Variants in STAU2 observed in about 807,000 individuals in gnomAD.
The protein encoded by STAU2 is double-stranded RNA-binding protein Staufen homolog 2.
A neutral mutation model predicts 65.9 loss-of-function variants in STAU2; 20 were observed. The observed-to-expected ratio is 0.30, with a 90% CI of 0.21 to 0.44. STAU2 has a LOEUF of 0.44. STAU2 is among the 20% of genes least tolerant of loss of function. The pLI, the probability that STAU2 is intolerant of heterozygous loss-of-function variation, is 1.00. For synonymous variants in STAU2, 232 were observed against 233.9 expected, an observed-to-expected ratio of 0.99 and a Z score of 0.07; for missense variants, 558 against 683.9, an observed-to-expected ratio of 0.82 and a Z score of 2.05.
chr8:73,560,235 C>A (rs1186198263), intron 12 of STAU2, among the ~76,000 whole-genome samples: 1 of 152,050 alleles, frequency 6.6e-6, no homozygotes, highest in East Asian at 1.9e-4. Flanking sequence ...CTCCCACCAC[C>A]ATGCCTGGCT....
chr8:73,577,247 T>C (rs1809632795), intron 12 of STAU2, among the ~76,000 whole-genome samples: 1 of 151,928 alleles, frequency 6.6e-6, no homozygotes, highest in Admixed American at 6.6e-5. Context: ...GCTAACACAA[T>C]GAAACCCCGT....
intron 13 of STAU2, among the ~76,000 whole-genome samples, chr8:73,475,278 T>C (rs1437318503): frequency 6.6e-6 from 1 of 152,096 alleles, no homozygotes; most frequent in Non-Finnish European, 1.5e-5. Flanking sequence ...GAGAAGTTTT[T>C]CAAAAAAAAT....
chr8:73,423,486 A>G (rs892835711), intron 13 of STAU2, among the ~76,000 whole-genome samples: 6 of 152,110 alleles, frequency 3.9e-5, no homozygotes, highest in Non-Finnish European at 5.9e-5. Flanking sequence ...CCCAAGCCCG[A>G]CACTGCTGAG....
At chr8:73,651,715 C>A in intron 6 of STAU2, 1 of 453,974 alleles carries the variant, frequency 2.2e-6, no homozygotes, top group East Asian at 4.8e-5. Flanking sequence ...CAGGAAGTGG[C>A]ATGCATACGC....
chr8:73,570,369 C>A (rs993878392), intron 12 of STAU2, among the ~76,000 whole-genome samples: 12 of 152,092 alleles, frequency 7.9e-5, no homozygotes, highest in African/African-American at 2.7e-4. Flanking sequence ...GGGAATGGAA[C>A]CAAGTTGGAA....
chr8:73,478,160 A>G (rs537084268), intron 13 of STAU2, among the ~76,000 whole-genome samples: 2 of 151,818 alleles, frequency 1.3e-5, no homozygotes, highest in East Asian at 3.9e-4. Context: ...ACACTTACAG[A>G]TAAGGGCTAT....
At chr8:73,573,601 C>T (rs1465038987) in intron 12 of STAU2, among the ~76,000 whole-genome samples, 1 of 152,066 alleles carries the variant, frequency 6.6e-6, no homozygotes, top group African/African-American at 2.4e-5. Flanking sequence ...TAATACCACA[C>T]ATTTATAACC....
intron 13 of STAU2, among the ~76,000 whole-genome samples, chr8:73,523,456 T>C (rs1408882664): frequency 6.6e-6 from 1 of 152,068 alleles, no homozygotes; most frequent in Non-Finnish European, 1.5e-5. Context: ...CTATATACAG[T>C]AAAATTTACC....
chr8:73,488,447 G>C (rs1253160377), intron 13 of STAU2, among the ~76,000 whole-genome samples: 1 of 151,912 alleles, frequency 6.6e-6, no homozygotes, highest in Non-Finnish European at 1.5e-5. Flanking sequence ...AAATAAAGCT[G>C]TAATAAATCG....
intron 13 of STAU2, among the ~76,000 whole-genome samples, chr8:73,481,520 A>ACACC (rs755363509): frequency 2.1e-5 from 3 of 141,642 alleles, no homozygotes; most frequent in African/African-American, 7.7e-5. Flanking sequence ...AAAAAACAAA[A>ACACC]AAAAAAAACA....
At chr8:73,638,662 A>C (rs1814735020) in intron 6 of STAU2, among the ~76,000 whole-genome samples, 1 of 152,038 alleles carries the variant, frequency 6.6e-6, no homozygotes, top group African/African-American at 2.4e-5. Flanking sequence ...CTGTTTTTAA[A>C]AACTCATTAG....
chr8:73,518,060 T>C (rs1383258027), intron 13 of STAU2, among the ~76,000 whole-genome samples: 1 of 152,242 alleles, frequency 6.6e-6, no homozygotes, highest in Non-Finnish European at 1.5e-5. Flanking sequence ...AAAGTTCTGC[T>C]CAGAAGTGTT....
rs188127961 is a variant in STAU2 at position 73,559,471 on chromosome 8, C to T, written c.1223-7152G>A. ...CCTTTGCCTAATGCACAGGCCCTGGCTCCCCAGGCTCTGGGTGCTTGACTT... is the reference window on the plus strand; with the variant it reads ...CCTTTGCCTAATGCACAGGCCCTGGTTCCCCAGGCTCTGGGTGCTTGACTT... On this transcript the variant is annotated intron_variant, in intron 12 of 14. Coordinates refer to ENST00000524300, the MANE Select transcript of STAU2 (RefSeq NM_001164380.2). Among the ~76,000 whole-genome samples the T allele has an allele frequency of 4.6e-5, 7 of 152,342 alleles. No individual in the cohort carries two copies. In the East Asian group the frequency reaches 1.2e-3, roughly 25 times the overall value.
At chr8:73,526,062 T>G (rs1465549231) in intron 13 of STAU2, among the ~76,000 whole-genome samples, 2 of 152,236 alleles carry the variant, frequency 1.3e-5, no homozygotes, top group Non-Finnish European at 2.9e-5. Context: ...TGAGAAGCAC[T>G]GGAGTGGTCT....
rs1335964247 is a variant in STAU2 at position 73,614,043 on chromosome 8, A to T, written c.679-87T>A. 3 of 1,018,274 alleles carry T rather than the reference A, an allele frequency of 2.9e-6. No homozygotes were observed. The East Asian group carries it at 8.1e-5, about 27-fold the overall frequency. 63.1% of individuals were successfully genotyped at this position (1,018,274 alleles called of 1,614,324 possible). Reference sequence around the variant, plus strand: ...TGACTTAATATTCATATCAAAACCAAAATTAGTATTATGCCAAAATTATAG... The same window carrying T: ...TGACTTAATATTCATATCAAAACCATAATTAGTATTATGCCAAAATTATAG... On this transcript the variant is annotated intron_variant, in intron 8 of 14. Coordinates refer to ENST00000524300, the MANE Select transcript of STAU2 (RefSeq NM_001164380.2).
chr8:73,719,398 A>G (rs1330680345), intron 3 of STAU2, among the ~76,000 whole-genome samples: 1 of 151,206 alleles, frequency 6.6e-6, no homozygotes, highest in Non-Finnish European at 1.5e-5. Context: ...AGACTGTCTC[A>G]AAAAAAAAGG....
intron 6 of STAU2, among the ~76,000 whole-genome samples, chr8:73,666,137 T>G (rs1351376928): frequency 6.6e-6 from 1 of 152,188 alleles, no homozygotes; most frequent in Non-Finnish European, 1.5e-5. Context: ...CATCAACTGT[T>G]GTACTTTCCA....
chr8:73,493,835 T>A (rs1202737172), intron 13 of STAU2, among the ~76,000 whole-genome samples: 1 of 151,790 alleles, frequency 6.6e-6, no homozygotes, highest in Non-Finnish European at 1.5e-5. Flanking sequence ...ATGGAAACAG[T>A]TCAGGTGTCT....
At chr8:73,719,484 G>C (rs966886406) in intron 3 of STAU2, among the ~76,000 whole-genome samples, 4 of 152,342 alleles carry the variant, frequency 2.6e-5, no homozygotes, top group African/African-American at 9.6e-5. Flanking sequence ...GGCTGGGAAA[G>C]TTCACTTCCA....
Sources: gnomAD v4.1 joint callset for allele counts (sites outside exome capture counted in the v4.1 genomes callset) on GRCh38, gnomAD v4.1.1 for gene constraint, MANE v1.5 for transcripts, NCBI Gene and HGNC (gene_info 2026-07-23, HGNC 2026-07-21) for gene names.